ATP6V1C2: variants seen among roughly 807,000 people sequenced by gnomAD.
ATP6V1C2 encodes V-type proton ATPase subunit C 2.
ATP6V1C2 carries 45 observed loss-of-function variants against 56.8 expected under a neutral mutation model. That is an observed-to-expected ratio of 0.79 (90% CI 0.62 to 1.02). ATP6V1C2 has a LOEUF of 1.02. ATP6V1C2 is among the 50% of genes least tolerant of loss of function. ATP6V1C2 has a pLI of 0.00. For missense variants in ATP6V1C2, 463 were observed against 519.7 expected, an observed-to-expected ratio of 0.89 and a Z score of 1.06; for synonymous variants, 220 against 201.3, an observed-to-expected ratio of 1.09 and a Z score of -0.79.
intron 12 of ATP6V1C2, among the ~76,000 whole-genome samples, chr2:10,779,687 G>GAAAA (rs555256673): frequency 5.8e-5 from 3 of 52,092 alleles, no homozygotes; most frequent in African/African-American, 2.4e-4. Flanking sequence ...TCCGGCTATA[G>GAAAA]AAAAAAAAAA....
In ATP6V1C2 at chr2:10,766,563, G is replaced by A. The variant is rs555535663; in HGVS notation, c.378+2138G>A. On this transcript the variant is annotated intron_variant, in intron 5 of 13. Transcript: ENST00000272238. ...CTTGTGGTGAAATCAGAAAAATAAAGACAAGCAGTATTTTTTTTCGTTTTT... is the reference window on the plus strand; with the variant it reads ...CTTGTGGTGAAATCAGAAAAATAAAAACAAGCAGTATTTTTTTTCGTTTTT... Among the ~76,000 whole-genome samples the A allele has an allele frequency of 2.0e-5, 3 of 152,134 alleles. No individual in the cohort carries two copies. In the South Asian group the frequency reaches 6.2e-4, roughly 32 times the overall value.
In ATP6V1C2 at chr2:10,736,776, C is replaced by G. The variant is rs147018674; in HGVS notation, c.197+10207C>G. Among the ~76,000 whole-genome samples, 549 of 133,694 alleles carry G rather than the reference C, an allele frequency of 4.1e-3. 20 individuals carry two copies. The highest frequency in any genetic ancestry group is 0.027 in the Admixed American group (352 of 13,268). The allele number at this position is 133,694 out of a possible 152,430, so 87.7% of individuals were successfully genotyped here. A position where few individuals can be genotyped will look rare whatever the true frequency, so the allele number is the denominator to read the frequency against. ...TTTAAATTTTGATATGTGGTATTTT[C>G]ATTATTTTTTTCCTAGATATTGTGC... On this transcript the variant is annotated intron_variant, in intron 3 of 13. Coordinates refer to ENST00000272238, the MANE Select transcript of ATP6V1C2 (RefSeq NM_001039362.2).
chr2:10,734,770 A>C (rs1030442743), intron 3 of ATP6V1C2, among the ~76,000 whole-genome samples: 14 of 152,334 alleles, frequency 9.2e-5, no homozygotes, highest in Middle Eastern at 3.4e-3. Flanking sequence ...AGAACTGACC[A>C]GAAAATGGCC....
rs570843182 is a variant in ATP6V1C2, at chr2:10,748,962, C to G, written c.198-5019C>G. On this transcript the variant is annotated intron_variant, in intron 3 of 13. Transcript: ENST00000272238. ...TGGCCAACATGGTGACACCCTGTCT[C>G]TACTAAAAATACAAAAACTTAGCTG... Among the ~76,000 whole-genome samples the G allele has an allele frequency of 1.2e-3, 177 of 151,802 alleles. 1 individual carries two copies. Among genetic ancestry groups the G allele is most frequent in the African/African-American group, 4.2e-3 (175 of 41,386 alleles).
At chr2:10,740,157 A>G (rs1662471051) in intron 3 of ATP6V1C2, among the ~76,000 whole-genome samples, 1 of 152,152 alleles carries the variant, frequency 6.6e-6, no homozygotes, top group Admixed American at 6.5e-5. Flanking sequence ...GGATATAGAC[A>G]TATTGAAAGC....
chr2:10,767,630 G>A (rs1036137653), intron 5 of ATP6V1C2, among the ~76,000 whole-genome samples: 1 of 151,940 alleles, frequency 6.6e-6, no homozygotes, highest in Non-Finnish European at 1.5e-5. Context: ...GCCACTTTTT[G>A]TATTTTTAGT....
In ATP6V1C2 at chr2:10,753,830, G is replaced by A. The variant is rs571088559; in HGVS notation, c.198-151G>A. On this transcript the variant is annotated intron_variant, in intron 3 of 13. Transcript: ENST00000272238. Reference sequence around the variant, plus strand: ...ATTACAGGTGTGACCCACTGTGCCCGGCCGCTATTGGCATTTTAACCCTCT... The same window carrying A: ...ATTACAGGTGTGACCCACTGTGCCCAGCCGCTATTGGCATTTTAACCCTCT... 186 of 649,190 alleles carry A rather than the reference G, an allele frequency of 2.9e-4. 1 individual carries two copies. The East Asian group carries it at 4.5e-3, about 16-fold the overall frequency. 40.2% of individuals were successfully genotyped at this position (649,190 alleles called of 1,614,324 possible). A position where few individuals can be genotyped will look rare whatever the true frequency, so the allele number is the denominator to read the frequency against.
In ATP6V1C2 at chr2:10,784,920, TC is replaced by T; in HGVS notation, c.*1660del. 1 of 1,545,198 alleles carries T rather than the reference TC, an allele frequency of 6.5e-7. No homozygotes were observed. The highest frequency in any genetic ancestry group is 1.2e-5 in the South Asian group (1 of 85,046). On this transcript the variant is annotated 3_prime_UTR_variant, in exon 14 of 14. Coordinates refer to ENST00000272238, the MANE Select transcript of ATP6V1C2 (RefSeq NM_001039362.2). ...AGGACTGCTGCCCGCACAGCTTCCC[TC>T]CCGGGCACTCACCTCGCCATCCCTG...
chr2:10,781,648 T>C (rs191876633), intron 12 of ATP6V1C2, among the ~76,000 whole-genome samples: 116 of 152,278 alleles, frequency 7.6e-4, no homozygotes, highest in African/African-American at 2.5e-3. Flanking sequence ...TGCTAACTAC[T>C]GAACATCCGA....
Position 10,783,713 on chromosome 2 carries a change from G to A in ATP6V1C2, c.*450G>A, listed in dbSNP as rs1406265776. On this transcript the variant is annotated 3_prime_UTR_variant, in exon 14 of 14. Coordinates refer to ENST00000272238, the MANE Select transcript of ATP6V1C2 (RefSeq NM_001039362.2). Reference sequence around the variant, plus strand: ...AAAATCTCTGTTGTGGTGGGCATAGGTGGCACCATCTAAAGAAAAGAGGTC... The same window carrying A: ...AAAATCTCTGTTGTGGTGGGCATAGATGGCACCATCTAAAGAAAAGAGGTC... 6.3e-6 allele frequency: 1 copy of A among 159,940 alleles called. No homozygotes were observed. The highest frequency in any genetic ancestry group is 1.4e-5 in the Non-Finnish European group (1 of 72,978). 9.9% of individuals were successfully genotyped at this position (159,940 alleles called of 1,614,324 possible).
chr2:10,775,441 A>C (rs1436975586), intron 10 of ATP6V1C2, among the ~76,000 whole-genome samples: 1 of 152,164 alleles, frequency 6.6e-6, no homozygotes, highest in Non-Finnish European at 1.5e-5. Context: ...CCTTCCTTGG[A>C]CTGAGCAAGG....
At chr2:10,721,223 G>T (rs1371854338), upstream of ATP6V1C2, among the ~76,000 whole-genome samples, 9 of 152,166 alleles carry the variant, frequency 5.9e-5, no homozygotes, top group African/African-American at 2.2e-4. Context: ...GGGAGTAGGT[G>T]ATTCCCCTGA....
chr2:10,772,031 C>A, intron 7 of ATP6V1C2, 94 bp downstream of exon 7: 1 of 996,020 alleles, frequency 1.0e-6, no homozygotes, highest in Non-Finnish European at 1.6e-6. Context: ...CGAGGATGCT[C>A]CCTGCCCAGC....
chr2:10,775,539 C>G (rs1032972331), intron 10 of ATP6V1C2, among the ~76,000 whole-genome samples: 1 of 152,192 alleles, frequency 6.6e-6, no homozygotes, highest in Non-Finnish European at 1.5e-5. Context: ...CAGGGCGCCA[C>G]TAGCCCCTGT....
chr2:10,767,422 CA>C (rs1451519057), intron 5 of ATP6V1C2, among the ~76,000 whole-genome samples: 1 of 152,012 alleles, frequency 6.6e-6, no homozygotes, highest in East Asian at 1.9e-4. Flanking sequence ...CTCTGCCTCT[CA>C]AAGTGCTAGG....
chr2:10,768,669 A>G (rs1375849433), intron 5 of ATP6V1C2, 50 bp from the exon 6 acceptor site: 1 of 1,512,746 alleles, frequency 6.6e-7, no homozygotes, highest in East Asian at 2.3e-5. Context: ...AAGTTCAGCC[A>G]ACTCCTTCAA....
intron 3 of ATP6V1C2, among the ~76,000 whole-genome samples, chr2:10,729,716 C>G (rs1317836823): frequency 6.6e-6 from 1 of 152,116 alleles, no homozygotes; most frequent in South Asian, 2.1e-4. Context: ...TACTAGCTGG[C>G]TGTGGTGGTG....
rs1308414382 is a variant in ATP6V1C2, at chr2:10,785,034, A to AG, written c.*1774dup. The AG allele has an allele frequency of 6.4e-7, 1 of 1,564,826 alleles. No homozygotes were observed. The highest frequency in any genetic ancestry group is 1.9e-5 in the Admixed American group (1 of 53,742). On this transcript the variant is annotated 3_prime_UTR_variant, in exon 14 of 14. Coordinates refer to ENST00000272238, the MANE Select transcript of ATP6V1C2 (RefSeq NM_001039362.2). ...GCCACGCCCAAAAGAGAGCTCCCTT[A>AG]GGGAAAAATGACCAAAACACACACA...
chr2:10,777,717 G>C lies in ATP6V1C2; in HGVS notation c.958G>C (p.Gly320Arg). Residue 320 changes from glycine (G) to arginine (R), a missense_variant, in exon 11 of 14, where the codon GGT becomes CGT. Transcript: ENST00000272238. Reference sequence around the variant, plus strand: ...CAGAGAGAGAGAGAGTGAGGGCGAGGGTGAGGTAAGCAACGCCCCGGGAAC... The same window carrying C: ...CAGAGAGAGAGAGAGTGAGGGCGAGCGTGAGGTAAGCAACGCCCCGGGAAC... The part of the protein sequence containing the change: ...TDRERESEGE[G>R]EGPLLRWLKV... 1 of 1,609,994 alleles carries C rather than the reference G, an allele frequency of 6.2e-7. No homozygotes were observed. The highest frequency in any genetic ancestry group is 1.7e-5 in the Admixed American group (1 of 58,894).
Sources: allele counts gnomAD v4.1 joint callset (sites outside exome capture counted in the v4.1 genomes callset), GRCh38; gene constraint gnomAD v4.1.1; transcripts MANE v1.5; gene names NCBI Gene and HGNC (gene_info 2026-07-23, HGNC 2026-07-21).